C22orf42: variants seen among roughly 807,000 people sequenced by gnomAD.
C22orf42 encodes the protein chromosome 22 open reading frame 42, also known as uncharacterized protein C22orf42.
A neutral mutation model predicts 31.4 loss-of-function variants in C22orf42; 24 were observed. The observed-to-expected ratio is 0.77, with a 90% CI of 0.55 to 1.08. C22orf42 has a LOEUF of 1.08. C22orf42 is among the 50% of genes least tolerant of loss of function. The pLI is 0.00. For synonymous variants in C22orf42, 96 were observed against 112.7 expected (o/e 0.85, Z 0.94); for missense variants, 276 against 327.3 (o/e 0.84, Z 1.21).
chr22:32,149,793 A>G lies in C22orf42; in HGVS notation c.655-13T>C, dbSNP rs183683173. The G allele has an allele frequency of 2.0e-6, 3 of 1,493,592 alleles. No homozygotes were observed. The highest frequency in any genetic ancestry group is 5.0e-5 in the East Asian group (2 of 40,066). 92.5% of individuals were successfully genotyped at this position (1,493,592 alleles called of 1,614,324 possible). A position where few individuals can be genotyped will look rare whatever the true frequency, so the allele number is the denominator to read the frequency against. On this transcript the variant is annotated splice_polypyrimidine_tract_variant and intron_variant, in intron 7 of 8. Transcript: ENST00000382097. The stretch of plus-strand genomic sequence containing the variant: ...ATCTCTCCTTTGCCTGCAATAGGAG[A>G]AAGGAAAACGCCATGAGGATCGGAT...
chr22:32,153,264 C>T (rs1418460081), intron 2 of C22orf42, among the ~76,000 whole-genome samples: 4 of 152,024 alleles, frequency 2.6e-5, no homozygotes, highest in African/African-American at 9.7e-5. Context: ...ACAGGAAATC[C>T]TCAGAGAAAA....
intron 1 of C22orf42, among the ~76,000 whole-genome samples, chr22:32,155,302 A>G (rs1284465031): frequency 1.3e-5 from 2 of 152,102 alleles, no homozygotes; most frequent in African/African-American, 2.4e-5. Context: ...TTATCCCTGC[A>G]TTTTCACTTT....
rs527966528 is a variant in C22orf42, at chr22:32,156,243, C to A, written c.233-1925G>T. On this transcript the variant is annotated intron_variant, in intron 1 of 8. Coordinates refer to ENST00000382097, the MANE Select transcript of C22orf42 (RefSeq NM_001010859.3). ...TCTAGAATTTACATTCTTGATCTGACATTTATTTTTTCAAACCTTGAAAAA... is the reference window on the plus strand; with the variant it reads ...TCTAGAATTTACATTCTTGATCTGAAATTTATTTTTTCAAACCTTGAAAAA... Among the ~76,000 whole-genome samples, 21 of 152,278 alleles carry A rather than the reference C, an allele frequency of 1.4e-4. No individual in the cohort carries two copies. The South Asian group carries it at 4.4e-3, about 32-fold the overall frequency.
chr22:32,158,498 G>C (rs575118012), intron 1 of C22orf42, among the ~76,000 whole-genome samples: 3 of 152,244 alleles, frequency 2.0e-5, no homozygotes, highest in Non-Finnish European at 4.4e-5. Flanking sequence ...AAGTAAAGCA[G>C]CTTCTGTCAA....
At chr22:32,158,627 A>G (rs1240134447) in intron 1 of C22orf42, among the ~76,000 whole-genome samples, 1 of 152,180 alleles carries the variant, frequency 6.6e-6, no homozygotes, top group Middle Eastern at 3.2e-3. Flanking sequence ...TAGCTACCTT[A>G]AGGAATGGGA....
chr22:32,157,733 A>C (rs1921340471), intron 1 of C22orf42, among the ~76,000 whole-genome samples: 1 of 152,258 alleles, frequency 6.6e-6, no homozygotes, highest in South Asian at 2.1e-4. Context: ...CAGCTACTGA[A>C]GGCTGCTGGC....
intron 7 of C22orf42, chr22:32,150,037 T>C (rs2094109854): frequency 1.9e-6 from 1 of 531,910 alleles, no homozygotes; most frequent in Non-Finnish European, 3.4e-6. Flanking sequence ...ATATGCTCAC[T>C]ACCAGATAGT....
Position 32,153,758 on chromosome 22 carries a change from A to G in C22orf42, c.307+486T>C, listed in dbSNP as rs566742858. Among the ~76,000 whole-genome samples, 84 of 152,230 alleles carry G rather than the reference A, an allele frequency of 5.5e-4. 1 individual carries two copies. The South Asian group carries it at 0.017, about 30-fold the overall frequency. ...AGGAAGGTTTATAATAGCTGTATTC[A>G]TAATTGACCAAACTGAAAGCAAATG... is the stretch of plus-strand genomic sequence containing the variant. On this transcript the variant is annotated intron_variant, in intron 2 of 8. Coordinates refer to ENST00000382097, the MANE Select transcript of C22orf42 (RefSeq NM_001010859.3).
Position 32,151,036 on chromosome 22 carries a change from GAA to G in C22orf42, c.466-19_466-18del. 1 of 1,610,560 alleles carries G rather than the reference GAA, an allele frequency of 6.2e-7. No homozygotes were observed. The highest frequency in any genetic ancestry group is 1.1e-5 in the South Asian group (1 of 89,962). ...AGATATTTCCTGCAGTAAGAGAAAA[GAA>G]AAAGAAACACCATGAGGATCAGATC... is the stretch of plus-strand genomic sequence containing the variant. On this transcript the variant is annotated intron_variant, in intron 5 of 8. Coordinates refer to ENST00000382097, the MANE Select transcript of C22orf42 (RefSeq NM_001010859.3).
Position 32,152,589 on chromosome 22 carries a change from A to G in C22orf42, c.345T>C (p.Gly115=). The part of the protein sequence containing the change: ...TEDVQASAHG[G]VEENMTSDIE... Reference sequence around the variant, plus strand: ...TATCTGATGTCATATTCTCCTCCACACCGCCGTGTGCAGACGCCTGCACAT... The same window carrying G: ...TATCTGATGTCATATTCTCCTCCACGCCGCCGTGTGCAGACGCCTGCACAT... Residue 115 remains glycine, a synonymous_variant, in exon 3 of 9, where the codon GGT becomes GGC. Coordinates refer to ENST00000382097, the MANE Select transcript of C22orf42 (RefSeq NM_001010859.3). 2 of 1,613,460 alleles carry G rather than the reference A, an allele frequency of 1.2e-6. No individual in the cohort carries two copies. The highest frequency in any genetic ancestry group is 1.7e-6 in the Non-Finnish European group (2 of 1,179,472).
rs1450421869 is a variant in C22orf42, at chr22:32,158,992, A to G, written c.224T>C (p.Met75Thr). 8 of 1,613,952 alleles carry G rather than the reference A, an allele frequency of 5.0e-6. No homozygotes were observed. Among genetic ancestry groups the G allele is most frequent in the South Asian group, 2.2e-5 (2 of 91,070 alleles). ...SLPKTPKMLK[M>T]SKGLDARSKR... ...ACCCATGGCTTCTTTACCTTTGGAC[A>G]TCTTCAGCATCTTCGGCGTCTTCGG... is the stretch of plus-strand genomic sequence containing the variant. Residue 75 changes from methionine (M) to threonine (T), a missense_variant, in exon 1 of 9, where the codon ATG (methionine) becomes ACG (threonine). Physicochemically the swap from Met to Thr is moderately conservative, Grantham distance 81. Transcript: ENST00000382097.
intron 2 of C22orf42, 26 bp from the exon 3 acceptor site, chr22:32,152,652 G>C: frequency 6.2e-7 from 1 of 1,608,888 alleles, no homozygotes; most frequent in Non-Finnish European, 8.5e-7. Flanking sequence ...GTGACAGTCA[G>C]TGCATTGGTG....
intron 1 of C22orf42, among the ~76,000 whole-genome samples, chr22:32,158,705 A>T (rs1268489297): frequency 6.6e-6 from 1 of 152,190 alleles, no homozygotes; most frequent in Non-Finnish European, 1.5e-5. Context: ...ATGGGTAAGG[A>T]TAGAGAATGG....
intron 2 of C22orf42, among the ~76,000 whole-genome samples, chr22:32,152,972 C>A (rs1921054483): frequency 6.6e-6 from 1 of 152,144 alleles, no homozygotes; most frequent in African/African-American, 2.4e-5. Flanking sequence ...GTTACAAGAT[C>A]ATTTAACTTC....
rs1203489969 is a variant in C22orf42, at chr22:32,152,113, AAAAG to A, written c.373-23_373-20del. On this transcript the variant is annotated intron_variant, in intron 3 of 8. Coordinates refer to ENST00000382097, the MANE Select transcript of C22orf42 (RefSeq NM_001010859.3). ...GTATTTCCTGCAATAAGAGAAAAGA[AAAAG>A]AAACACCATGAGGATCAGATCATGC... The A allele has an allele frequency of 6.2e-7, 1 of 1,604,702 alleles. No individual in the cohort carries two copies. The highest frequency in any genetic ancestry group is 8.5e-7 in the Non-Finnish European group (1 of 1,177,726).
At chr22:32,156,380 A>G (rs1921261111) in intron 1 of C22orf42, among the ~76,000 whole-genome samples, 1 of 150,848 alleles carries the variant, frequency 6.6e-6, no homozygotes, top group Non-Finnish European at 1.5e-5. Context: ...AGAGCAGTCT[A>G]TTTACTACAT....
intron 5 of C22orf42, 48 bp downstream of exon 5, chr22:32,151,439 A>C (rs1569333257): frequency 6.4e-7 from 1 of 1,573,458 alleles, no homozygotes; most frequent in East Asian, 2.2e-5. Context: ...TAGAAGCCTC[A>C]GAAAAAACAA....
chr22:32,159,511 G>A (rs1921482194), upstream of C22orf42: 1 of 1,260,546 alleles, frequency 7.9e-7, no homozygotes, highest in Non-Finnish European at 1.0e-6. Flanking sequence ...TGGGCTGCCT[G>A]AGCTTTCCAG....
chr22:32,151,674 G>A, intron 4 of C22orf42, 123 bp from the exon 5 acceptor site: 1 of 876,838 alleles, frequency 1.1e-6, no homozygotes. Context: ...CATGGACTGA[G>A]CTGCTGCTGG....
Sources: gnomAD v4.1 joint callset for allele counts (sites outside exome capture counted in the v4.1 genomes callset) on GRCh38, gnomAD v4.1.1 for gene constraint, MANE v1.5 for transcripts, NCBI Gene and HGNC (gene_info 2026-07-23, HGNC 2026-07-21) for gene names.